NDST1: variants seen among roughly 807,000 people sequenced by gnomAD.
The protein encoded by NDST1 is N-deacetylase and N-sulfotransferase 1.
A neutral mutation model predicts 92.8 loss-of-function variants in NDST1; 35 were observed. That is an observed-to-expected ratio of 0.38 (90% confidence interval 0.29 to 0.50). NDST1 has a LOEUF of 0.50. Among genes scored for constraint, NDST1 ranks in the 20% least tolerant of loss-of-function variants. The probability of loss-of-function intolerance (pLI) is 0.94; values close to 1 mark genes in which losing one functional copy is unlikely to be tolerated. For synonymous variants in NDST1, 493 were observed against 500.3 expected, an observed-to-expected ratio of 0.99 and a Z score of 0.19; for missense variants, 822 against 1,182.7, an observed-to-expected ratio of 0.69 and a Z score of 4.47.
chr5:150,523,760 C>A (rs1321252719), intron 2 of NDST1, among the ~76,000 whole-genome samples: 1 of 152,190 alleles, frequency 6.6e-6, no homozygotes, highest in Non-Finnish European at 1.5e-5. Flanking sequence ...TGTCTGGCCC[C>A]AATTCCTTGC....
intron 3 of NDST1, among the ~76,000 whole-genome samples, chr5:150,530,291 C>T (rs543589794): frequency 1.8e-3 from 272 of 152,310 alleles, no homozygotes; most frequent in Admixed American, 3.3e-3. Context: ...GTTTAAAGAA[C>T]GTTTTAGCCT....
chr5:150,539,520 G>A, intron 7 of NDST1, 164 bp downstream of exon 7: 1 of 1,517,262 alleles, frequency 6.6e-7, no homozygotes, highest in East Asian at 2.3e-5. Context: ...TCGGCTGTGT[G>A]ACCTTGGCTA....
intron 1 of NDST1, among the ~76,000 whole-genome samples, chr5:150,510,525 G>A (rs897851219): frequency 2.0e-5 from 3 of 150,626 alleles, no homozygotes; most frequent in South Asian, 2.1e-4. Context: ...TCCTTGGGAC[G>A]GGAGGGTGGC....
At position 150,537,739 on chromosome 5, in the gene NDST1, G is replaced by A. The variant is rs188568437; in HGVS notation, c.1438-1489G>A. Among the ~76,000 whole-genome samples the A allele has an allele frequency of 4.6e-5, 7 of 152,226 alleles. No individual in the cohort carries two copies. In the East Asian group the frequency reaches 9.6e-4, roughly 21 times the overall value. The stretch of plus-strand genomic sequence containing the variant: ...TCTGTGACCCACACCCTATTCGTAC[G>A]CTCCCTCCCCTTTCGAAAATCACTA... On this transcript the variant is annotated intron_variant, in intron 6 of 14. Coordinates refer to ENST00000261797, the MANE Select transcript of NDST1 (RefSeq NM_001543.5).
chr5:150,532,184 T>C lies in NDST1; in HGVS notation c.1009-761T>C, dbSNP rs1254338923. 2.6e-5 allele frequency among the ~76,000 whole-genome samples: 4 copies of C among 152,268 alleles called. No homozygotes were observed. In the East Asian group the frequency reaches 5.8e-4, roughly 22 times the overall value. ...GCAGGGTCTTACAGTTGGACCTGTGTTGGATTCTAACTGCTGGGCTCAAGC... is the reference window on the plus strand; with the variant it reads ...GCAGGGTCTTACAGTTGGACCTGTGCTGGATTCTAACTGCTGGGCTCAAGC... On this transcript the variant is annotated intron_variant, in intron 3 of 14. Coordinates refer to ENST00000261797, the MANE Select transcript of NDST1 (RefSeq NM_001543.5).
At chr5:150,540,294 C>A in intron 8 of NDST1, 30 bp downstream of exon 8, 1 of 1,576,550 alleles carries the variant, frequency 6.3e-7, no homozygotes, top group Non-Finnish European at 8.6e-7. Flanking sequence ...GGGCAGGTTG[C>A]TACAGGGATG....
upstream of NDST1, among the ~76,000 whole-genome samples, chr5:150,505,051 A>G (rs1753389841): frequency 6.6e-6 from 1 of 152,198 alleles, no homozygotes; most frequent in South Asian, 2.1e-4. Context: ...ATACTTTAAT[A>G]AAGTTGGCAT....
intron 13 of NDST1, among the ~76,000 whole-genome samples, chr5:150,550,105 C>CTTT (rs11365752): frequency 7.2e-6 from 1 of 138,964 alleles, no homozygotes. Context: ...TTAGCATTAG[C>CTTT]TTTTTTTTTT....
intron 1 of NDST1, among the ~76,000 whole-genome samples, chr5:150,502,963 C>T (rs1753298486): frequency 6.6e-6 from 1 of 152,094 alleles, no homozygotes; most frequent in Non-Finnish European, 1.5e-5. Context: ...CCACATGGCA[C>T]AGTGGTTAAG....
At chr5:150,544,507 C>G (rs549895605) in intron 10 of NDST1, among the ~76,000 whole-genome samples, 1 of 152,308 alleles carries the variant, frequency 6.6e-6, no homozygotes, top group South Asian at 2.1e-4. Flanking sequence ...AGGAATCCAG[C>G]AGGCCCCCAG....
intron 11 of NDST1, among the ~76,000 whole-genome samples, chr5:150,545,971 C>T (rs1755460507): frequency 6.9e-6 from 1 of 145,830 alleles, no homozygotes; most frequent in South Asian, 2.2e-4. Context: ...CTATCTGGGG[C>T]ATGTATGAAC....
chr5:150,542,903 C>G lies in NDST1; in HGVS notation c.1902C>G (p.Tyr634Ter). ...LGMHPDLSSN[Y>*]PSSETFEEIQ... Reference sequence around the variant, plus strand: ...TGCACCCTGACCTAAGCAGCAACTACCCCAGCTCTGAGACCTTTGAGGAGA... The same window carrying G: ...TGCACCCTGACCTAAGCAGCAACTAGCCCAGCTCTGAGACCTTTGAGGAGA... Residue 634 changes from tyrosine to a stop codon, truncating the protein, a stop_gained, in exon 10 of 15, where the codon TAC becomes TAG. Coordinates refer to ENST00000261797, the MANE Select transcript of NDST1 (RefSeq NM_001543.5). LOFTEE classifies it high-confidence loss of function. 1 of 1,614,216 alleles carries G rather than the reference C, an allele frequency of 6.2e-7. No homozygotes were observed. Among genetic ancestry groups the G allele is most frequent in the Non-Finnish European group, 8.5e-7 (1 of 1,180,032 alleles).
intron 1 of NDST1, among the ~76,000 whole-genome samples, chr5:150,498,752 G>A (rs78617170): frequency 3.2e-3 from 486 of 152,284 alleles, no homozygotes; most frequent in African/African-American, 0.011. Flanking sequence ...TTGGACCCTT[G>A]CTATTCTGCC....
chr5:150,516,046 C>A (rs1753949166), intron 1 of NDST1, among the ~76,000 whole-genome samples: 3 of 145,120 alleles, frequency 2.1e-5, no homozygotes, highest in African/African-American at 7.6e-5. Flanking sequence ...TTTGCCATGG[C>A]CTTATCTTCA....
intron 12 of NDST1, 23 bp downstream of exon 12, chr5:150,548,411 G>A: frequency 6.2e-7 from 1 of 1,605,718 alleles, no homozygotes; most frequent in African/African-American, 1.3e-5. Flanking sequence ...CCTGACCCTT[G>A]TGAGGGCAGT....
intron 11 of NDST1, among the ~76,000 whole-genome samples, chr5:150,547,980 G>C (rs575248671): frequency 1.3e-5 from 2 of 152,224 alleles, no homozygotes; most frequent in East Asian, 3.9e-4. Flanking sequence ...CACCATGCCT[G>C]GCATCAGGAA....
Position 150,557,776 on chromosome 5 carries a change from A to C in NDST1, c.*4444A>C, listed in dbSNP as rs1294408207. The C allele has an allele frequency of 6.6e-6, 1 of 152,618 alleles. No homozygotes were observed. Among genetic ancestry groups the C allele is most frequent in the East Asian group, 1.9e-4 (1 of 5,200 alleles). 9.5% of individuals were successfully genotyped at this position (152,618 alleles called of 1,614,324 possible). A position where few individuals can be genotyped will look rare whatever the true frequency, so the allele number is the denominator to read the frequency against. The stretch of plus-strand genomic sequence containing the variant: ...GGCTGGCGAGTTTTCAGCTTCCCTA[A>C]GGGACTGGCATAGGGTTTTGTGGGG... On this transcript the variant is annotated 3_prime_UTR_variant, in exon 15 of 15. Coordinates refer to ENST00000261797, the MANE Select transcript of NDST1 (RefSeq NM_001543.5). The surrounding 1 kb of genome is among the most constrained non-coding windows in gnomAD (Gnocchi z 4.7).
intron 8 of NDST1, among the ~76,000 whole-genome samples, chr5:150,540,603 C>T (rs1755202939): frequency 1.3e-5 from 2 of 152,234 alleles, no homozygotes; most frequent in Non-Finnish European, 2.9e-5. Flanking sequence ...ATTGCTTGAA[C>T]CCAGGAGTTC....
At position 150,539,214 on chromosome 5, in the gene NDST1, C is replaced by A. The variant is rs765878002; in HGVS notation, c.1438-14C>A. The A allele has an allele frequency of 5.6e-6, 9 of 1,608,954 alleles. No individual in the cohort carries two copies. In the African/African-American group the frequency reaches 8.0e-5, roughly 14 times the overall value. On this transcript the variant is annotated splice_polypyrimidine_tract_variant and intron_variant, in intron 6 of 14. Coordinates refer to ENST00000261797, the MANE Select transcript of NDST1 (RefSeq NM_001543.5). ...AGAAGGCACCATAGCTCCTCTCCCC[C>A]ACCCCCTCCTCAGGTTCTCCCACGG... is the stretch of plus-strand genomic sequence containing the variant.
Sources: allele counts gnomAD v4.1 joint callset (sites outside exome capture counted in the v4.1 genomes callset), GRCh38; gene constraint gnomAD v4.1.1; non-coding constraint Gnocchi (gnomAD v3.1); transcripts MANE v1.5; gene names NCBI Gene and HGNC (gene_info 2026-07-23, HGNC 2026-07-21).